Variants in CADM2 observed in about 807,000 individuals in gnomAD.
The protein encoded by CADM2 is immunoglobulin superfamily member 4D.
A neutral mutation model predicts 49.8 loss-of-function variants in CADM2; 12 were observed. The ratio of observed to expected loss-of-function variants is 0.24; its 90% CI spans 0.15 to 0.39. The LOEUF (loss-of-function observed/expected upper bound fraction) is 0.39, where lower values mean the gene tolerates loss of function less well. Ranked by LOEUF, CADM2 falls within the 10% of genes least tolerant of loss-of-function variation. The pLI is 1.00. For missense variants in CADM2, 378 were observed against 492.3 expected, an observed-to-expected ratio of 0.77 and a Z score of 2.20; for synonymous variants, 214 against 175.4, an observed-to-expected ratio of 1.22 and a Z score of -1.74.
At chr3:85,532,233 G>T (rs2061330920) in intron 1 of CADM2, among the ~76,000 whole-genome samples, 1 of 151,954 alleles carries the variant, frequency 6.6e-6, no homozygotes, top group Non-Finnish European at 1.5e-5. Flanking sequence ...TGTTTTGATG[G>T]CAGTATTGAG....
chr3:85,657,908 A>G (rs1428457560), intron 1 of CADM2, among the ~76,000 whole-genome samples: 1 of 151,812 alleles, frequency 6.6e-6, no homozygotes, highest in Non-Finnish European at 1.5e-5. Flanking sequence ...GTAAGATCAT[A>G]CTGGAGTTAA....
chr3:85,871,313 T>G (rs761515232), intron 3 of CADM2, among the ~76,000 whole-genome samples: 3 of 152,216 alleles, frequency 2.0e-5, no homozygotes, highest in Admixed American at 6.5e-5. Flanking sequence ...GAAATGCACA[T>G]CAAAACCACT....
At chr3:86,001,727 A>G (rs926392755) in intron 8 of CADM2, among the ~76,000 whole-genome samples, 8 of 152,186 alleles carry the variant, frequency 5.3e-5, no homozygotes, top group Non-Finnish European at 7.4e-5. Flanking sequence ...AAACTAGGTG[A>G]TCCAGAAAGT....
chr3:85,373,209 C>T (rs1038475087), intron 1 of CADM2, among the ~76,000 whole-genome samples: 1 of 152,110 alleles, frequency 6.6e-6, no homozygotes, highest in African/African-American at 2.4e-5. Flanking sequence ...TACGATGGGG[C>T]TACAGGCATT....
chr3:85,526,492 G>T (rs1391106413), intron 1 of CADM2, among the ~76,000 whole-genome samples: 1 of 152,152 alleles, frequency 6.6e-6, no homozygotes, highest in Non-Finnish European at 1.5e-5. Context: ...GTAATGCTAT[G>T]TAAGAATGCG....
At chr3:85,990,013 CAAAAAAAAAAAAAAA>C (rs58178176) in intron 8 of CADM2, among the ~76,000 whole-genome samples, 11 of 9,628 alleles carry the variant, frequency 1.1e-3, no homozygotes, top group African/African-American at 2.4e-3. Context: ...ACTCCATGTC[CAAAAAAAAAAAAAAA>C]AAAAAAAAAA....
At chr3:85,130,622 T>G (rs2039195482) in intron 1 of CADM2, among the ~76,000 whole-genome samples, 1 of 152,206 alleles carries the variant, frequency 6.6e-6, no homozygotes, top group Non-Finnish European at 1.5e-5. Flanking sequence ...TAATTGGTCA[T>G]AGGGAGTAGG....
intron 3 of CADM2, among the ~76,000 whole-genome samples, chr3:85,854,330 G>A (rs1201083051): frequency 2.6e-5 from 4 of 152,072 alleles, no homozygotes; most frequent in Admixed American, 6.5e-5. Flanking sequence ...ACATGCACTC[G>A]TATGTTTACT....
intron 1 of CADM2, among the ~76,000 whole-genome samples, chr3:85,352,909 G>A (rs2031489310): frequency 6.6e-6 from 1 of 152,082 alleles, no homozygotes; most frequent in Admixed American, 6.6e-5. Flanking sequence ...TTCCTAGAAT[G>A]ATGCTAAGCT....
intron 1 of CADM2, among the ~76,000 whole-genome samples, chr3:85,716,405 A>T (rs2067294411): frequency 6.6e-6 from 1 of 151,990 alleles, no homozygotes. Context: ...TAGATATTAG[A>T]CCTTTGTCAG....
At chr3:85,229,428 C>T (rs1180665879) in intron 1 of CADM2, among the ~76,000 whole-genome samples, 3 of 152,164 alleles carry the variant, frequency 2.0e-5, no homozygotes, top group Non-Finnish European at 4.4e-5. Context: ...GGTGACAGCC[C>T]GCCCTGCTTC....
intron 8 of CADM2, among the ~76,000 whole-genome samples, chr3:86,022,100 A>C (rs1733270636): frequency 6.6e-6 from 1 of 152,140 alleles, no homozygotes; most frequent in African/African-American, 2.4e-5. Flanking sequence ...TGTATACCTT[A>C]ATTATACAAA....
Position 85,426,447 on chromosome 3 carries a change from T to TA in CADM2, c.62-300068dup, listed in dbSNP as rs199693706. Among the ~76,000 whole-genome samples, 102 of 152,014 alleles carry TA rather than the reference T, an allele frequency of 6.7e-4. 1 individual carries two copies. The highest frequency in any genetic ancestry group is 2.3e-3 in the African/African-American group (96 of 41,444). ...GAGCCCAGGCTTTATACTATTTTTT[T>TA]AAAAAAATATCAATATGTTGTTTTA... On this transcript the variant is annotated intron_variant, in intron 1 of 9. Transcript: ENST00000383699.
rs527949409 is a variant in CADM2 at position 85,804,505 on chromosome 3, G to T, written c.238+2309G>T. Among the ~76,000 whole-genome samples the T allele has an allele frequency of 4.6e-5, 7 of 152,148 alleles. No homozygotes were observed. In the South Asian group the frequency reaches 1.5e-3, roughly 32 times the overall value. On this transcript the variant is annotated intron_variant, in intron 3 of 9. Coordinates refer to ENST00000383699, the MANE Select transcript of CADM2 (RefSeq NM_001167675.2). ...TTGTTGTTGTTCATTCATCCCACAG[G>T]TGTATAATGACAATCTCCACTTTAT... is the stretch of plus-strand genomic sequence containing the variant.
intron 1 of CADM2, among the ~76,000 whole-genome samples, chr3:85,502,608 ACAG>A (rs748063044): frequency 4.6e-5 from 7 of 152,298 alleles, no homozygotes; most frequent in Middle Eastern, 3.4e-3. Flanking sequence ...AACAGGAGTG[ACAG>A]CAGATTTTTA....
chr3:85,550,676 G>A (rs532843336), intron 1 of CADM2, among the ~76,000 whole-genome samples: 13 of 152,164 alleles, frequency 8.5e-5, no homozygotes, highest in African/African-American at 2.4e-4. Context: ...GTGTTCCTGC[G>A]TCCAAAAACC....
At chr3:86,005,796 A>G (rs1036695438) in intron 8 of CADM2, among the ~76,000 whole-genome samples, 1 of 152,100 alleles carries the variant, frequency 6.6e-6, no homozygotes, top group Non-Finnish European at 1.5e-5. Flanking sequence ...GTGCTGTCAA[A>G]TGGTAGGTCT....
At chr3:86,012,889 G>C in intron 8 of CADM2, 1 of 570,412 alleles carries the variant, frequency 1.8e-6, no homozygotes, top group Non-Finnish European at 3.2e-6. Flanking sequence ...GCAGGAGAAT[G>C]GCGTGAACCC....
intron 6 of CADM2, among the ~76,000 whole-genome samples, chr3:85,922,958 AC>A (rs1240523132): frequency 6.6e-6 from 1 of 151,638 alleles, no homozygotes; most frequent in Admixed American, 6.6e-5. Flanking sequence ...AGTAGCTGGG[AC>A]TATAGGCGCC....
Sources: gnomAD v4.1 joint callset for allele counts (sites outside exome capture counted in the v4.1 genomes callset) on GRCh38, gnomAD v4.1.1 for gene constraint, MANE v1.5 for transcripts, NCBI Gene and HGNC (gene_info 2026-07-23, HGNC 2026-07-21) for gene names.